The following CRAMP1 variants were observed in gnomAD, a reference collection of about 807,000 sequenced individuals.
The protein encoded by CRAMP1 is cramped chromatin regulator 1.
Under a neutral mutation model 115.4 loss-of-function variants are expected in CRAMP1, and 50 were observed. The observed-to-expected ratio is 0.43, with a 90% CI of 0.35 to 0.55. The LOEUF is 0.55. Ranked by LOEUF, CRAMP1 falls within the 20% of genes least tolerant of loss-of-function variation. CRAMP1 has a pLI of 0.01. For synonymous variants in CRAMP1, 866 were observed against 745.4 expected, an observed-to-expected ratio of 1.16 and a Z score of -2.64; for missense variants, 1,679 against 1,721.7, an observed-to-expected ratio of 0.98 and a Z score of 0.44.
intron 6 of CRAMP1, among the ~76,000 whole-genome samples, chr16:1,645,113 A>G (rs1304632436): frequency 3.3e-5 from 5 of 151,530 alleles, no homozygotes; most frequent in African/African-American, 1.2e-4. Flanking sequence ...AAGTTGACAG[A>G]AAAACTGTGT....
intron 6 of CRAMP1, among the ~76,000 whole-genome samples, chr16:1,647,749 A>G (rs1214041448): frequency 1.1e-5 from 1 of 90,638 alleles, no homozygotes; most frequent in African/African-American, 6.0e-5. Flanking sequence ...ACTCTGCCTT[A>G]AAAAAAAAAA....
chr16:1,652,941 C>A, intron 7 of CRAMP1, 92 bp from the exon 8 acceptor site: 1 of 1,494,882 alleles, frequency 6.7e-7, no homozygotes. Flanking sequence ...CATCTGCTCA[C>A]AGCTGATTTC....
chr16:1,615,177 A>C (rs1209039169), intron 2 of CRAMP1, among the ~76,000 whole-genome samples, 192 bp downstream of exon 2: 1 of 152,178 alleles, frequency 6.6e-6, no homozygotes, highest in Non-Finnish European at 1.5e-5. Context: ...GACTTTCTAT[A>C]TTTAAACTCT....
Position 1,656,490 on chromosome 16 carries a change from G to T in CRAMP1, c.1733G>T (p.Arg578Leu). Residue 578 changes from arginine to leucine, a missense_variant, in exon 10 of 21, where the codon CGC (arginine) becomes CTC (leucine). Physicochemically the swap from Arg to Leu is moderately radical, Grantham distance 102. Coordinates refer to ENST00000397412, the MANE Select transcript of CRAMP1 (RefSeq NM_020825.4). This position sits in a 1 kb window ranked among gnomAD's most constrained non-coding sequence, Gnocchi z 5.6. ...CQDLIVPEQCRCADTRPGSEQ... is the reference protein window; with the variant it reads ...CQDLIVPEQCLCADTRPGSEQ... The stretch of plus-strand genomic sequence containing the variant: ...GACCTCATTGTCCCCGAGCAGTGCC[G>T]CTGTGCGGACACACGGCCTGGGAGC... 6.3e-7 allele frequency: 1 copy of T among 1,575,444 alleles called. No individual in the cohort carries two copies. The highest frequency in any genetic ancestry group is 8.6e-7 in the Non-Finnish European group (1 of 1,161,380).
intron 2 of CRAMP1, 95 bp downstream of exon 2, chr16:1,615,080 C>T (rs1423501902): frequency 2.8e-6 from 2 of 706,314 alleles, no homozygotes; most frequent in African/African-American, 1.9e-5. Context: ...TCCACCCTAG[C>T]TCACCCATCC....
At position 1,656,219 on chromosome 16, in the gene CRAMP1, G is replaced by C; in HGVS notation, c.1462G>C (p.Glu488Gln). The C allele has an allele frequency of 6.2e-7, 1 of 1,607,244 alleles. No homozygotes were observed. The highest frequency in any genetic ancestry group is 1.1e-5 in the South Asian group (1 of 90,850). The change falls in exon 10 of 21, where the codon GAG (glutamate) becomes CAG (glutamine). Residue 488 changes from glutamate (E) to glutamine (Q), a missense_variant. By Grantham distance (29) the Glu-to-Gln change is conservative. Transcript: ENST00000397412. This position sits in a 1 kb window ranked among gnomAD's most constrained non-coding sequence, Gnocchi z 5.6. ...PAADALQSSGESSPESAPGEG... is the reference protein window; with the variant it reads ...PAADALQSSGQSSPESAPGEG... ...GGCTGACGCCTTGCAGAGCTCCGGA[G>C]AGAGTTCCCCCGAAAGCGCCCCCGG...
Position 1,659,976 on chromosome 16 carries a change from A to G in CRAMP1, c.2326A>G (p.Ser776Gly). Reference protein sequence around the residue: ...MTPPGKVVTVSSRSPRCPRNQ... With the variant: ...MTPPGKVVTVGSRSPRCPRNQ... Reference sequence around the variant, plus strand: ...GCCCCCAGGGAAGGTGGTGACCGTCAGCTCTCGCAGCCCCCGCTGCCCTCG... The same window carrying G: ...GCCCCCAGGGAAGGTGGTGACCGTCGGCTCTCGCAGCCCCCGCTGCCCTCG... The change falls in exon 11 of 21, where the codon AGC becomes GGC. Residue 776 changes from serine (S) to glycine (G), a missense_variant. This residue lies in a region of CRAMP1 where 709 missense variants were observed against 741.9 expected (regional missense o/e 0.96). Coordinates refer to ENST00000397412, the MANE Select transcript of CRAMP1 (RefSeq NM_020825.4). 1 of 1,608,406 alleles carries G rather than the reference A, an allele frequency of 6.2e-7. No individual in the cohort carries two copies. The highest frequency in any genetic ancestry group is 1.3e-5 in the African/African-American group (1 of 75,058).
chr16:1,625,825 G>C (rs920529743), intron 2 of CRAMP1, 148 bp from the exon 3 acceptor site: 7 of 677,684 alleles, frequency 1.0e-5, no homozygotes, highest in Non-Finnish European at 1.7e-5. Context: ...TGGTGCCGTG[G>C]GTCCTGGGTG....
intron 6 of CRAMP1, among the ~76,000 whole-genome samples, chr16:1,646,659 G>A (rs1452328133): frequency 1.3e-5 from 2 of 152,148 alleles, no homozygotes; most frequent in African/African-American, 2.4e-5. Context: ...AAAGTCCTTC[G>A]CTTTGATGAA....
chr16:1,635,313 GC>G (rs1252901423), intron 4 of CRAMP1, among the ~76,000 whole-genome samples: 1 of 152,204 alleles, frequency 6.6e-6, no homozygotes, highest in Non-Finnish European at 1.5e-5. Flanking sequence ...GACTGACTCC[GC>G]CCCCAGCTTG....
At chr16:1,628,063 C>T (rs898092397) in intron 3 of CRAMP1, among the ~76,000 whole-genome samples, 2 of 152,146 alleles carry the variant, frequency 1.3e-5, no homozygotes, top group African/African-American at 4.8e-5. Context: ...CAGTTCAGTT[C>T]GTGTCCTTCC....
At chr16:1,648,840 C>T (rs1447693308) in intron 6 of CRAMP1, among the ~76,000 whole-genome samples, 2 of 151,992 alleles carry the variant, frequency 1.3e-5, no homozygotes, top group African/African-American at 4.8e-5. Flanking sequence ...GGGCGGATCA[C>T]GAGGTCAGGA....
At position 1,674,021 on chromosome 16, in the gene CRAMP1, C is replaced by T. The variant is rs375409947; in HGVS notation, c.3786C>T (p.Pro1262=). 41 of 1,611,998 alleles carry T rather than the reference C, an allele frequency of 2.5e-5. No homozygotes were observed. The East Asian group carries it at 3.6e-4, about 14-fold the overall frequency. Residue 1262 remains proline, a synonymous_variant, in exon 21 of 21, where the codon CCC becomes CCT. Coordinates refer to ENST00000397412, the MANE Select transcript of CRAMP1 (RefSeq NM_020825.4). ...TGTTTGATGGTGGTGGAGGCGGCCC[C>T]GCTGTCAGTGACCTGTCCCAGTGAC... is the stretch of plus-strand genomic sequence containing the variant. The part of the protein sequence containing the change: ...EALFDGGGGG[P]AVSDLSQ
intron 6 of CRAMP1, chr16:1,645,323 A>G: frequency 4.1e-6 from 1 of 241,624 alleles, no homozygotes. Flanking sequence ...ACTAGCTGGG[A>G]TTACAGGCGC....
intron 4 of CRAMP1, among the ~76,000 whole-genome samples, chr16:1,635,361 G>A (rs573999165): frequency 6.6e-5 from 10 of 152,202 alleles, no homozygotes; most frequent in South Asian, 2.1e-4. Flanking sequence ...CTAATCTCCC[G>A]TGGTTTCCAT....
rs952797128 is a variant in CRAMP1, at chr16:1,656,026, A to G, written c.1269A>G (p.Thr423=). 1.2e-6 allele frequency: 2 copies of G among 1,612,404 alleles called. No homozygotes were observed. Among genetic ancestry groups the G allele is most frequent in the Non-Finnish European group, 1.7e-6 (2 of 1,179,714 alleles). ...ARVVHSKAFC[T]VHWQEGGRCK... ...TGGTGCACTCCAAGGCCTTCTGCAC[A>G]GTGCACTGGCAGGAGGGCGGCCGGT... is the stretch of plus-strand genomic sequence containing the variant. The change falls in exon 10 of 21, where the codon ACA becomes ACG. Residue 423 remains threonine (T), a synonymous_variant. Transcript: ENST00000397412. This position sits in a 1 kb window ranked among gnomAD's most constrained non-coding sequence, Gnocchi z 5.6.
Position 1,659,831 on chromosome 16 carries a change from A to G in CRAMP1, c.2236-55A>G, listed in dbSNP as rs1046975180. The G allele has an allele frequency of 4.6e-6, 7 of 1,510,582 alleles. 1 individual carries two copies. In the Admixed American group the frequency reaches 5.0e-5, roughly 11 times the overall value. The allele number at this position is 1,510,582 out of a possible 1,614,324, so 93.6% of individuals were successfully genotyped here. A position where few individuals can be genotyped will look rare whatever the true frequency, so the allele number is the denominator to read the frequency against. On this transcript the variant is annotated intron_variant, in intron 10 of 20. Transcript: ENST00000397412. ...TGTGCCTCCTACTCCAGGGCACGCA[A>G]GAGCCATTTCTCATGTGCTGAGTTT...
intron 3 of CRAMP1, among the ~76,000 whole-genome samples, chr16:1,626,415 C>T (rs1028827105): frequency 4.6e-5 from 7 of 152,244 alleles, no homozygotes; most frequent in African/African-American, 1.2e-4. Context: ...GTGTTTCCTT[C>T]ATTTCCTTTT....
chr16:1,629,874 C>T (rs891372401), intron 3 of CRAMP1, among the ~76,000 whole-genome samples: 2 of 152,182 alleles, frequency 1.3e-5, no homozygotes, highest in Non-Finnish European at 2.9e-5. Flanking sequence ...CAGCCCCACC[C>T]GCCAGCCCAC....
Sources: gnomAD v4.1 joint callset for allele counts (sites outside exome capture counted in the v4.1 genomes callset) on GRCh38, gnomAD v4.1.1 for gene constraint, gnomAD v4.1.1 regional missense constraint, Gnocchi (gnomAD v3.1) non-coding constraint, MANE v1.5 for transcripts, NCBI Gene and HGNC (gene_info 2026-07-23, HGNC 2026-07-21) for gene names.